The following ZFAND6 variants were observed in gnomAD, a reference collection of about 807,000 sequenced individuals.
ZFAND6 encodes AN1-type zinc finger protein 6.
Under a neutral mutation model 24.5 loss-of-function variants are expected in ZFAND6, and 12 were observed. The ratio of observed to expected loss-of-function variants is 0.49; its 90% CI spans 0.31 to 0.79. The LOEUF (loss-of-function observed/expected upper bound fraction) is 0.79, where lower values mean the gene tolerates loss of function less well. Ranked by LOEUF, ZFAND6 falls within the 30% of genes least tolerant of loss-of-function variation. ZFAND6 has a pLI of 0.04. For missense variants in ZFAND6, 207 were observed against 245.9 expected (o/e 0.84, Z 1.06); for synonymous variants, 92 against 81.5 (o/e 1.13, Z -0.69).
chr15:80,136,360 G>C lies in ZFAND6; in HGVS notation c.479-1120G>C, dbSNP rs950137466. Among the ~76,000 whole-genome samples the C allele has an allele frequency of 2.6e-5, 4 of 152,116 alleles. No homozygotes were observed. In the East Asian group the frequency reaches 7.7e-4, roughly 29 times the overall value. On this transcript the variant is annotated intron_variant, in intron 6 of 6. Coordinates refer to ENST00000261749, the MANE Select transcript of ZFAND6 (RefSeq NM_019006.4). The stretch of plus-strand genomic sequence containing the variant: ...TGCACCTGTAATCCCAGCTACTCGG[G>C]AGACTGAGGCAGGAGAATGGCTTGA...
At chr15:80,059,098 A>G (rs1443842663), upstream of ZFAND6, among the ~76,000 whole-genome samples, 1 of 152,192 alleles carries the variant, frequency 6.6e-6, no homozygotes, top group African/African-American at 2.4e-5. Context: ...TTCTATTTCC[A>G]AGTCCCAGTT....
intron 5 of ZFAND6, among the ~76,000 whole-genome samples, chr15:80,124,989 C>T (rs1396756588): frequency 6.6e-6 from 1 of 152,142 alleles, no homozygotes; most frequent in East Asian, 1.9e-4. Flanking sequence ...CGTGTATATT[C>T]TGTATGTGCA....
At chr15:80,113,321 A>G (rs2039703412) in intron 2 of ZFAND6, among the ~76,000 whole-genome samples, 1 of 152,204 alleles carries the variant, frequency 6.6e-6, no homozygotes, top group Admixed American at 6.5e-5. Context: ...GAAATCTGGA[A>G]TTACGTGACA....
At chr15:80,079,937 AC>A (rs1270618235) in intron 1 of ZFAND6, among the ~76,000 whole-genome samples, 1 of 151,816 alleles carries the variant, frequency 6.6e-6, no homozygotes, top group Admixed American at 6.6e-5. Flanking sequence ...GGCATGAGCC[AC>A]CACGCCTGGC....
chr15:80,132,265 T>TA (rs1259661685), intron 6 of ZFAND6, among the ~76,000 whole-genome samples: 1 of 152,180 alleles, frequency 6.6e-6, no homozygotes, highest in Non-Finnish European at 1.5e-5. Context: ...TAGAAATATA[T>TA]TTTTTTAATT....
intron 2 of ZFAND6, among the ~76,000 whole-genome samples, chr15:80,108,062 TA>T (rs1217427771): frequency 1.3e-5 from 2 of 152,184 alleles, no homozygotes; most frequent in African/African-American, 4.8e-5. Context: ...GTGCTAATAG[TA>T]CCTACTTAAT....
At chr15:80,123,053 T>C in intron 5 of ZFAND6, 1 of 368,040 alleles carries the variant, frequency 2.7e-6, no homozygotes, top group Non-Finnish European at 5.0e-6. Context: ...ATTAAATGAA[T>C]GTGTGGCAGT....
At chr15:80,078,293 T>C (rs1180864314) in intron 1 of ZFAND6, among the ~76,000 whole-genome samples, 2 of 152,226 alleles carry the variant, frequency 1.3e-5, no homozygotes, top group Admixed American at 6.5e-5. Context: ...TTCCCATTTA[T>C]AAGTGACAAC....
chr15:80,131,130 G>C, intron 5 of ZFAND6, 50 bp from the exon 6 acceptor site: 1 of 1,449,442 alleles, frequency 6.9e-7, no homozygotes, highest in Non-Finnish European at 9.4e-7. Context: ...ATGAGGAATA[G>C]CAAAATCTTA....
At chr15:80,128,911 C>G (rs367902871) in intron 5 of ZFAND6, among the ~76,000 whole-genome samples, 54 of 152,282 alleles carry the variant, frequency 3.5e-4, no homozygotes, top group Admixed American at 1.0e-3. Context: ...TTTCCAGATC[C>G]CATTCAAATT....
chr15:80,129,027 T>C (rs1405622285), intron 5 of ZFAND6, among the ~76,000 whole-genome samples: 1 of 152,190 alleles, frequency 6.6e-6, no homozygotes, highest in East Asian at 1.9e-4. Flanking sequence ...AGGTTAGATA[T>C]GGCTTACAGG....
chr15:80,137,928 G>T lies in ZFAND6; in HGVS notation c.*300G>T. 3 of 233,478 alleles carry T rather than the reference G, an allele frequency of 1.3e-5. No homozygotes were observed. The highest frequency in any genetic ancestry group is 2.5e-5 in the Non-Finnish European group (3 of 121,280). The allele number at this position is 233,478 out of a possible 1,614,324, so 14.5% of individuals were successfully genotyped here. Reference sequence around the variant, plus strand: ...ATTTTGGAGGGCTGTGATTTTTCCAGTATTAAACATGCATGCATTAATCTT... The same window carrying T: ...ATTTTGGAGGGCTGTGATTTTTCCATTATTAAACATGCATGCATTAATCTT... On this transcript the variant is annotated 3_prime_UTR_variant, in exon 7 of 7. Coordinates refer to ENST00000261749, the MANE Select transcript of ZFAND6 (RefSeq NM_019006.4).
chr15:80,081,294 A>G (rs1232911547), intron 1 of ZFAND6, among the ~76,000 whole-genome samples: 2 of 152,190 alleles, frequency 1.3e-5, no homozygotes, highest in African/African-American at 4.8e-5. Context: ...ATGAGCTTGT[A>G]AAGTACTGTA....
chr15:80,093,382 G>A (rs1260978369), intron 1 of ZFAND6, among the ~76,000 whole-genome samples: 1 of 152,130 alleles, frequency 6.6e-6, no homozygotes, highest in Non-Finnish European at 1.5e-5. Flanking sequence ...TTTGAGGTGT[G>A]GGGAGGGAGG....
intron 1 of ZFAND6, among the ~76,000 whole-genome samples, chr15:80,097,908 A>G (rs1362604907): frequency 6.6e-6 from 1 of 152,096 alleles, no homozygotes; most frequent in African/African-American, 2.4e-5. Flanking sequence ...AACCTGTAGT[A>G]ATAATGGTAC....
In ZFAND6 at chr15:80,095,195, C is replaced by CA. The variant is rs1452411987; in HGVS notation, c.-180-3220dup. Reference sequence around the variant, plus strand: ...TTCAGCCTTTCTTTGCCTTTAATGACACTGACATTTTTGAAGAGAGTGACA... The same window carrying CA: ...TTCAGCCTTTCTTTGCCTTTAATGACAACTGACATTTTTGAAGAGAGTGACA... On this transcript the variant is annotated intron_variant, in intron 1 of 6. Coordinates refer to ENST00000261749, the MANE Select transcript of ZFAND6 (RefSeq NM_019006.4). 2.0e-5 allele frequency among the ~76,000 whole-genome samples: 3 copies of CA among 152,124 alleles called. No individual in the cohort carries two copies. The East Asian group carries it at 5.8e-4, about 29-fold the overall frequency.
chr15:80,110,839 C>A (rs960804665), intron 2 of ZFAND6, among the ~76,000 whole-genome samples: 13 of 152,144 alleles, frequency 8.5e-5, no homozygotes, highest in Non-Finnish European at 1.8e-4. Flanking sequence ...AAAATCAACT[C>A]TAGATGGATT....
intron 1 of ZFAND6, among the ~76,000 whole-genome samples, chr15:80,066,862 A>C (rs894052561): frequency 1.8e-4 from 27 of 146,332 alleles, no homozygotes; most frequent in Non-Finnish European, 3.4e-4. Context: ...GCACCACTAC[A>C]CTCTAGCCTG....
At chr15:80,081,828 G>C (rs2037687878) in intron 1 of ZFAND6, among the ~76,000 whole-genome samples, 1 of 152,168 alleles carries the variant, frequency 6.6e-6, no homozygotes, top group South Asian at 2.1e-4. Context: ...TTTAATGTCA[G>C]GATCATATAT....
Sources: allele counts gnomAD v4.1 joint callset (sites outside exome capture counted in the v4.1 genomes callset), GRCh38; gene constraint gnomAD v4.1.1; transcripts MANE v1.5; gene names NCBI Gene and HGNC (gene_info 2026-07-23, HGNC 2026-07-21).